The following PXMP4 variants were observed in gnomAD, a reference collection of about 807,000 sequenced individuals.
PXMP4 encodes 24 kDa peroxisomal intrinsic membrane protein.
PXMP4 carries 16 observed loss-of-function variants against 21.6 expected under a neutral mutation model. That is an observed-to-expected ratio of 0.74 (90% CI 0.50 to 1.13). The LOEUF (loss-of-function observed/expected upper bound fraction) is 1.13, where lower values mean the gene tolerates loss of function less well. PXMP4 is among the 50% of genes most tolerant of loss of function. The probability of loss-of-function intolerance (pLI) is 0.00; values close to 1 mark genes in which losing one functional copy is unlikely to be tolerated. For missense variants in PXMP4, 240 were observed against 277.7 expected (o/e 0.86, Z 0.96); for synonymous variants, 127 against 123.8 (o/e 1.03, Z -0.17).
intron 3 of PXMP4, 144 bp from the exon 4 acceptor site, chr20:33,708,113 A>T: frequency 1.9e-6 from 2 of 1,044,816 alleles, no homozygotes; most frequent in Non-Finnish European, 2.7e-6. Flanking sequence ...CTCTTCAAAG[A>T]ATCAACTTTT....
chr20:33,714,810 C>G, intron 1 of PXMP4, 74 bp from the exon 2 acceptor site: 1 of 1,433,780 alleles, frequency 7.0e-7, no homozygotes, highest in Non-Finnish European at 9.8e-7. Context: ...CCTTTTGACC[C>G]CTTGTTCTCT....
intron 1 of PXMP4, among the ~76,000 whole-genome samples, chr20:33,718,537 A>C (rs889290631): frequency 8.0e-5 from 11 of 137,778 alleles, no homozygotes; most frequent in African/African-American, 2.8e-4. Context: ...AAAAAAAAAA[A>C]AAACTTGGCA....
chr20:33,718,527 A>C lies in PXMP4; in HGVS notation c.113+1568T>G, dbSNP rs998046274. Among the ~76,000 whole-genome samples, 6 of 150,372 alleles carry C rather than the reference A, an allele frequency of 4.0e-5. No homozygotes were observed. The South Asian group carries it at 8.3e-4, about 21-fold the overall frequency. ...CTCCATCTCAAAAAAAAAAAAAAAAAAAAAAAAAAAAAACTTGGCAAAAGG... is the reference window on the plus strand; with the variant it reads ...CTCCATCTCAAAAAAAAAAAAAAAACAAAAAAAAAAAAACTTGGCAAAAGG... On this transcript the variant is annotated intron_variant, in intron 1 of 3. Transcript: ENST00000409299.
chr20:33,704,702 A>T lies in PXMP4; in HGVS notation c.*3004T>A, dbSNP rs1229465286. 6.6e-6 allele frequency: 1 copy of T among 152,214 alleles called. No individual in the cohort carries two copies. The highest frequency in any genetic ancestry group is 1.5e-5 in the Non-Finnish European group (1 of 68,054). The allele number at this position is 152,214 out of a possible 1,614,324, so 9.4% of individuals were successfully genotyped here. ...AGATGGGATAATAATGGACGGCTCC[A>T]TATCATTCCCCACCCCCTTGTTACT... On this transcript the variant is annotated 3_prime_UTR_variant, in exon 4 of 4. Transcript: ENST00000409299.
Position 33,712,462 on chromosome 20 carries a change from T to C in PXMP4, c.177-1709A>G, listed in dbSNP as rs996195343. 5.9e-5 allele frequency among the ~76,000 whole-genome samples: 9 copies of C among 151,792 alleles called. No homozygotes were observed. The South Asian group carries it at 1.2e-3, about 21-fold the overall frequency. On this transcript the variant is annotated intron_variant, in intron 2 of 3. Transcript: ENST00000409299. ...ACCTGGCAGCAATTTTTTTTTTTTT[T>C]CCTCTGAGATGGAGTCTAGCTCTGT...
At chr20:33,719,171 C>T (rs1241659621) in intron 1 of PXMP4, among the ~76,000 whole-genome samples, 3 of 152,240 alleles carry the variant, frequency 2.0e-5, no homozygotes, top group African/African-American at 7.2e-5. Flanking sequence ...GCTAGGATTA[C>T]AGGTGTGAGC....
rs948979792 is a variant in PXMP4, at chr20:33,706,774, A to G, written c.*932T>C. On this transcript the variant is annotated 3_prime_UTR_variant, in exon 4 of 4. Coordinates refer to ENST00000409299, the MANE Select transcript of PXMP4 (RefSeq NM_007238.5). ...ACTGGGTCCTGAAAATGTGGGTGGC[A>G]AAATATACACCCAATTTTGAATACT... is the stretch of plus-strand genomic sequence containing the variant. 2 of 152,244 alleles carry G rather than the reference A, an allele frequency of 1.3e-5. No individual in the cohort carries two copies. Among genetic ancestry groups the G allele is most frequent in the African/African-American group, 4.8e-5 (2 of 41,460 alleles). The allele number at this position is 152,244 out of a possible 1,614,324, so 9.4% of individuals were successfully genotyped here. A position where few individuals can be genotyped will look rare whatever the true frequency, so the allele number is the denominator to read the frequency against.
rs1179059189 is a variant in PXMP4 at position 33,710,623 on chromosome 20, G to C, written c.307C>G (p.His103Asp). 4.3e-6 allele frequency: 7 copies of C among 1,613,870 alleles called. No homozygotes were observed. In the African/African-American group the frequency reaches 8.0e-5, roughly 18 times the overall value. ...SYIQGKTYPAHAFLAAFLGGI... is the reference protein window; with the variant it reads ...SYIQGKTYPADAFLAAFLGGI... Reference sequence around the variant, plus strand: ...CCGAGGAAGGCCGCCAGGAATGCGTGTGCTGGGTAGGTCTTGCCTTGTATG... The same window carrying C: ...CCGAGGAAGGCCGCCAGGAATGCGTCTGCTGGGTAGGTCTTGCCTTGTATG... Residue 103 changes from histidine to aspartate, a missense_variant, in exon 3 of 4, where the codon CAC (histidine) becomes GAC (aspartate). By Grantham distance (81) the His-to-Asp change is moderately conservative. Transcript: ENST00000409299.
intron 3 of PXMP4, 93 bp from the exon 4 acceptor site, chr20:33,708,062 T>C: frequency 7.2e-7 from 1 of 1,387,626 alleles, no homozygotes. Flanking sequence ...TTCTCTTTTT[T>C]TCTTAGAGAG....
chr20:33,710,421 TCAC>T (rs1267617430), intron 3 of PXMP4, 131 bp downstream of exon 3: 7 of 101,130 alleles, frequency 6.9e-5, no homozygotes, highest in African/African-American at 6.2e-4. Context: ...CCCCCTTCCG[TCAC>T]CACCTCTGTA....
chr20:33,714,577 G>A lies in PXMP4; in HGVS notation c.176+97C>T, dbSNP rs572601423. The A allele has an allele frequency of 2.5e-4, 299 of 1,201,110 alleles. 1 individual carries two copies. Among genetic ancestry groups the A allele is most frequent in the Non-Finnish European group, 3.0e-4 (241 of 816,810 alleles). The allele number at this position is 1,201,110 out of a possible 1,614,324, so 74.4% of individuals were successfully genotyped here. A position where few individuals can be genotyped will look rare whatever the true frequency, so the allele number is the denominator to read the frequency against. On this transcript the variant is annotated intron_variant, in intron 2 of 3. Coordinates refer to ENST00000409299, the MANE Select transcript of PXMP4 (RefSeq NM_007238.5). ...AAAAAAGAGTTGAACTTTAGAAGGCGTGATGGGGGGACAGGGTAGACCCAG... is the reference window on the plus strand; with the variant it reads ...AAAAAAGAGTTGAACTTTAGAAGGCATGATGGGGGGACAGGGTAGACCCAG...
At chr20:33,709,534 T>C (rs2122581422) in intron 3 of PXMP4, among the ~76,000 whole-genome samples, 1 of 152,216 alleles carries the variant, frequency 6.6e-6, no homozygotes, top group South Asian at 2.1e-4. Flanking sequence ...GCACATGCAT[T>C]GATTTTTGGG....
intron 1 of PXMP4, 109 bp from the exon 2 acceptor site, chr20:33,714,845 A>T (rs2018367869): frequency 9.5e-7 from 1 of 1,057,418 alleles, no homozygotes; most frequent in African/African-American, 1.6e-5. Flanking sequence ...TTCTAACACC[A>T]CTTTGGGAGG....
Position 33,707,822 on chromosome 20 carries a change from G to A in PXMP4, c.523C>T (p.Arg175Ter), listed in dbSNP as rs201904586. The change falls in exon 4 of 4, where the codon CGA becomes TGA. Residue 175 changes from arginine to a stop codon, truncating the protein, a stop_gained. Coordinates refer to ENST00000409299, the MANE Select transcript of PXMP4 (RefSeq NM_007238.5). LOFTEE classifies it high-confidence loss of function. ...GLVLWLFEYHRSTLQPSLQSS... is the reference protein window; with the variant it reads ...GLVLWLFEYH ...TGCAGCGAGGGCTGCAGGGTGGATC[G>A]GTGATACTCAAAGAGCCACAGCACC... 5.0e-6 allele frequency: 8 copies of A among 1,614,170 alleles called. No individual in the cohort carries two copies. The highest frequency in any genetic ancestry group is 4.5e-5 in the East Asian group (2 of 44,892).
At chr20:33,715,716 TG>T (rs542001472) in intron 1 of PXMP4, among the ~76,000 whole-genome samples, 157 of 147,940 alleles carry the variant, frequency 1.1e-3, no homozygotes, top group African/African-American at 3.7e-3. Context: ...CGTGAGCCAC[TG>T]TGCCCCGCCC....
At position 33,702,913 on chromosome 20, in the gene PXMP4, CCT is replaced by C. The variant is rs1201689851; in HGVS notation, c.*4791_*4792del. On this transcript the variant is annotated 3_prime_UTR_variant, in exon 4 of 4. Transcript: ENST00000409299. ...GTGCAACAAGAGCCCTCTGGCCATC[CCT>C]GTTTTACAGGTCTTAGAGAATGGAG... 1 of 152,110 alleles carries C rather than the reference CCT, an allele frequency of 6.6e-6. No individual in the cohort carries two copies. Among genetic ancestry groups the C allele is most frequent in the Non-Finnish European group, 1.5e-5 (1 of 68,032 alleles). The allele number at this position is 152,110 out of a possible 1,614,324, so 9.4% of individuals were successfully genotyped here. A position where few individuals can be genotyped will look rare whatever the true frequency, so the allele number is the denominator to read the frequency against.
chr20:33,717,132 C>A (rs542992161), intron 1 of PXMP4, among the ~76,000 whole-genome samples: 1 of 152,004 alleles, frequency 6.6e-6, no homozygotes, highest in African/African-American at 2.4e-5. Flanking sequence ...GAGTTAAGAT[C>A]GTGCCACTGT....
Position 33,710,610 on chromosome 20 carries a change from G to A in PXMP4, c.320C>T (p.Ala107Val), listed in dbSNP as rs571523348. 5 of 1,613,738 alleles carry A rather than the reference G, an allele frequency of 3.1e-6. No homozygotes were observed. The South Asian group carries it at 4.4e-5, about 14-fold the overall frequency. ...GKTYPAHAFL[A>V]AFLGGILVFG... ...CACCAGGATACCCCCGAGGAAGGCCGCCAGGAATGCGTGTGCTGGGTAGGT... is the reference window on the plus strand; with the variant it reads ...CACCAGGATACCCCCGAGGAAGGCCACCAGGAATGCGTGTGCTGGGTAGGT... Residue 107 changes from alanine to valine, a missense_variant, in exon 3 of 4, where the codon GCG (alanine) becomes GTG (valine). Physicochemically the swap from Ala to Val is moderately conservative, Grantham distance 64. Transcript: ENST00000409299.
At chr20:33,716,072 G>A (rs2018381154) in intron 1 of PXMP4, among the ~76,000 whole-genome samples, 2 of 151,662 alleles carry the variant, frequency 1.3e-5, no homozygotes, top group Admixed American at 1.3e-4. Flanking sequence ...TCGAACTCCC[G>A]ACCTCAGGTG....
Sources: allele counts gnomAD v4.1 joint callset (sites outside exome capture counted in the v4.1 genomes callset), GRCh38; gene constraint gnomAD v4.1.1; transcripts MANE v1.5; gene names NCBI Gene and HGNC (gene_info 2026-07-23, HGNC 2026-07-21).